The following PREX2 variants were observed in gnomAD, a reference collection of about 807,000 sequenced individuals.
PREX2 encodes phosphatidylinositol-3,4,5-trisphosphate dependent Rac exchange factor 2, also known as phosphatidylinositol 3,4,5-trisphosphate-dependent Rac exchanger 2 protein.
In PREX2, 107 loss-of-function variants were observed where a neutral mutation model predicts 203.2. The ratio of observed to expected loss-of-function variants is 0.53; its 90% CI spans 0.45 to 0.62. PREX2 has a LOEUF of 0.62. Ranked by LOEUF, PREX2 falls within the 20% of genes least tolerant of loss-of-function variation. The probability of loss-of-function intolerance (pLI) is 0.00; values close to 1 mark genes in which losing one functional copy is unlikely to be tolerated. For missense variants in PREX2, 1,777 were observed against 1,955.9 expected (o/e 0.91, Z 1.72); for synonymous variants, 672 against 663.6 (o/e 1.01, Z -0.19).
At chr8:68,028,985 A>G (rs2129610464) in intron 5 of PREX2, among the ~76,000 whole-genome samples, 1 of 152,138 alleles carries the variant, frequency 6.6e-6, no homozygotes, top group African/African-American at 2.4e-5. Context: ...GATTATCTCC[A>G]CAAAGCAACA....
intron 7 of PREX2, among the ~76,000 whole-genome samples, chr8:68,043,462 C>T (rs1438754767): frequency 6.6e-6 from 1 of 152,088 alleles, no homozygotes; most frequent in Non-Finnish European, 1.5e-5. Flanking sequence ...ACCCTATCCA[C>T]ACCAGGGCAG....
chr8:68,058,287 AC>A (rs1253502329), intron 10 of PREX2, among the ~76,000 whole-genome samples: 1 of 152,152 alleles, frequency 6.6e-6, no homozygotes, highest in Non-Finnish European at 1.5e-5. Context: ...GTGCCATCAG[AC>A]TAGAGAATTA....
chr8:68,145,582 A>C (rs1189766315), intron 33 of PREX2, among the ~76,000 whole-genome samples: 2 of 152,298 alleles, frequency 1.3e-5, no homozygotes, highest in Admixed American at 6.5e-5. Flanking sequence ...AAGTATCATC[A>C]AATGGAGAGG....
At chr8:68,186,147 A>T (rs1156600740) in intron 35 of PREX2, among the ~76,000 whole-genome samples, 2 of 152,202 alleles carry the variant, frequency 1.3e-5, no homozygotes, top group African/African-American at 4.8e-5. Flanking sequence ...ATTTTTTCTG[A>T]TGAGAAATAC....
chr8:68,187,949 A>G (rs1348199990), intron 35 of PREX2, among the ~76,000 whole-genome samples: 1 of 152,208 alleles, frequency 6.6e-6, no homozygotes, highest in African/African-American at 2.4e-5. Context: ...CATGAATGTT[A>G]TTGTACACTA....
intron 32 of PREX2, among the ~76,000 whole-genome samples, chr8:68,136,724 T>C (rs911226108): frequency 6.6e-6 from 1 of 152,174 alleles, no homozygotes; most frequent in African/African-American, 2.4e-5. Flanking sequence ...TACTGTGCAC[T>C]ATATTAAACA....
chr8:67,975,684 ATTTCTCTTTCTTTT>A (rs1806056759), intron 1 of PREX2, among the ~76,000 whole-genome samples: 4 of 97,782 alleles, frequency 4.1e-5, no homozygotes, highest in Non-Finnish European at 8.1e-5. Flanking sequence ...ATAGTAACTG[ATTTCTCTTTCTTTT>A]TTTTTTTTTT....
chr8:68,025,919 A>G (rs1350967350), intron 4 of PREX2, among the ~76,000 whole-genome samples: 1 of 152,160 alleles, frequency 6.6e-6, no homozygotes, highest in Non-Finnish European at 1.5e-5. Flanking sequence ...GAGTGATTTT[A>G]GGACACTTCA....
chr8:68,167,098 G>A (rs1245865460), intron 35 of PREX2, among the ~76,000 whole-genome samples: 2 of 152,044 alleles, frequency 1.3e-5, no homozygotes, highest in African/African-American at 2.4e-5. Context: ...TCTCCTTGTT[G>A]GGAAGAACCA....
chr8:68,099,593 T>G, intron 22 of PREX2, 89 bp from the exon 23 acceptor site: 10 of 1,322,834 alleles, frequency 7.6e-6, no homozygotes, highest in Non-Finnish European at 8.3e-6. Flanking sequence ...ACTTTTGAAG[T>G]TTTTCTTCTT....
chr8:68,219,082 G>T lies in PREX2; in HGVS notation c.4707+1364G>T, dbSNP rs576951499. ...ATTAATTGCCTTTCTGTTTGATTAT[G>T]TTGCTTATTAGAGTAGGTTTGTAGG... On this transcript the variant is annotated intron_variant, in intron 38 of 39. Coordinates refer to ENST00000288368, the MANE Select transcript of PREX2 (RefSeq NM_024870.4). 3.6e-3 allele frequency among the ~76,000 whole-genome samples: 549 copies of T among 152,278 alleles called. 3 individuals carry two copies. Among genetic ancestry groups the T allele is most frequent in the Middle Eastern group, 0.014 (4 of 294 alleles).
At position 68,030,580 on chromosome 8, in the gene PREX2, C is replaced by T. The variant is rs200046867; in HGVS notation, c.627C>T (p.Ser209=). The T allele has an allele frequency of 2.5e-6, 4 of 1,613,578 alleles. No homozygotes were observed. The highest frequency in any genetic ancestry group is 1.7e-4 in the Middle Eastern group (1 of 6,060). Residue 209 remains serine, a synonymous_variant, in exon 6 of 40, where the codon TCC becomes TCT. Transcript: ENST00000288368. ...TCCAAGCCATGAAAGCTGTCTGTTCCAACATAAACGAGGCCAAGAGACAGA... is the reference window on the plus strand; with the variant it reads ...TCCAAGCCATGAAAGCTGTCTGTTCTAACATAAACGAGGCCAAGAGACAGA... ...EALQAMKAVC[S]NINEAKRQME...
At chr8:67,995,548 A>C (rs1303849308) in intron 1 of PREX2, among the ~76,000 whole-genome samples, 2 of 152,196 alleles carry the variant, frequency 1.3e-5, no homozygotes, top group Non-Finnish European at 2.9e-5. Context: ...ATTTACGTTG[A>C]AAACTTTCAT....
Position 68,053,108 on chromosome 8 carries a change from A to G in PREX2, c.955A>G (p.Ser319Gly). The G allele has an allele frequency of 6.2e-7, 1 of 1,612,172 alleles. No homozygotes were observed. The highest frequency in any genetic ancestry group is 8.5e-7 in the Non-Finnish European group (1 of 1,179,002). ...CCATTAATTTACAGCTGATTTCCAT[A>G]GCAGTGGACACATTGTTGTTAATGG... ...NVDDGTADFH[S>G]SGHIVVNGWK... Residue 319 changes from serine to glycine, a missense_variant, in exon 9 of 40, where the codon AGC (serine) becomes GGC (glycine). Ser to Gly is a moderately conservative substitution (Grantham distance 56, BLOSUM62 0). Transcript: ENST00000288368.
intron 1 of PREX2, among the ~76,000 whole-genome samples, chr8:68,007,969 A>G (rs963875862): frequency 6.6e-6 from 1 of 152,192 alleles, no homozygotes; most frequent in East Asian, 1.9e-4. Flanking sequence ...AGGAGTAGAT[A>G]CCATATTACT....
At chr8:68,133,915 C>T (rs914991421) in intron 31 of PREX2, 144 bp from the exon 32 acceptor site, 23 of 635,690 alleles carry the variant, frequency 3.6e-5, no homozygotes, top group Non-Finnish European at 4.1e-5. Flanking sequence ...TGTGTGTGGT[C>T]ATTTATAGAG....
rs2280639 is a variant in PREX2, at chr8:68,231,753, C to T, written c.*375C>T. 0.28 allele frequency: 52,076 copies of T among 186,976 alleles called. 7,779 individuals carry two copies. The highest frequency in any genetic ancestry group is 0.45 in the South Asian group (2,347 of 5,200). 11.6% of individuals were successfully genotyped at this position (186,976 alleles called of 1,614,324 possible). On this transcript the variant is annotated 3_prime_UTR_variant, in exon 40 of 40. Coordinates refer to ENST00000288368, the MANE Select transcript of PREX2 (RefSeq NM_024870.4). ...TTTTATTATGCTTGTTTTCATCTTT[C>T]CCAAGTGGACACATGTAATAATGGA...
chr8:68,007,701 C>T (rs539340861), intron 1 of PREX2, among the ~76,000 whole-genome samples: 5 of 152,186 alleles, frequency 3.3e-5, no homozygotes, highest in Admixed American at 1.3e-4. Flanking sequence ...GCTCCGCCTC[C>T]TAGGTTCATA....
In PREX2 at chr8:68,076,628, A is replaced by C. The variant is rs543785583; in HGVS notation, c.1570-769A>C. 2.0e-5 allele frequency among the ~76,000 whole-genome samples: 3 copies of C among 151,304 alleles called. No homozygotes were observed. In the East Asian group the frequency reaches 6.0e-4, roughly 30 times the overall value. ...AGTGCTAAAAGATAGGACTGGGGAAAAATGAGATAATATGTGAGAAAAAAG... is the reference window on the plus strand; with the variant it reads ...AGTGCTAAAAGATAGGACTGGGGAACAATGAGATAATATGTGAGAAAAAAG... On this transcript the variant is annotated intron_variant, in intron 14 of 39. Transcript: ENST00000288368.
Sources: allele counts gnomAD v4.1 joint callset (sites outside exome capture counted in the v4.1 genomes callset), GRCh38; gene constraint gnomAD v4.1.1; transcripts MANE v1.5; gene names NCBI Gene and HGNC (gene_info 2026-07-23, HGNC 2026-07-21).